Variants in IGSF10 observed in about 807,000 individuals in gnomAD.
The protein encoded by IGSF10 is immunoglobulin superfamily member 10.
A neutral mutation model predicts 128.2 loss-of-function variants in IGSF10; 126 were observed. The ratio of observed to expected loss-of-function variants is 0.98; its 90% CI spans 0.85 to 1.14. The LOEUF (loss-of-function observed/expected upper bound fraction) is 1.14. Ranked by LOEUF, IGSF10 falls within the 50% of genes most tolerant of loss-of-function variation. The probability of loss-of-function intolerance (pLI) is 0.00; values close to 1 mark genes in which losing one functional copy is unlikely to be tolerated. For missense variants in IGSF10, 3,295 were observed against 3,149.8 expected (o/e 1.05, Z -1.10); for synonymous variants, 1,185 against 1,146.2 (o/e 1.03, Z -0.68).
the IGSF10 span, among the ~76,000 whole-genome samples, chr3:151,527,676 G>A: frequency 1.3e-5 from 2 of 152,310 alleles, no homozygotes; most frequent in South Asian, 2.1e-4. Context: ...TGGGCCAGGT[G>A]TAGTGGCTCA....
the IGSF10 span, among the ~76,000 whole-genome samples, chr3:151,547,481 G>A: frequency 6.7e-6 from 1 of 150,244 alleles, no homozygotes; most frequent in South Asian, 2.1e-4. Flanking sequence ...CTAAACTGTT[G>A]CCAATTGTCT....
chr3:151,563,454 GTTTTCCATGAGCTTCAC>G, the IGSF10 span, among the ~76,000 whole-genome samples: 2 of 152,128 alleles, frequency 1.3e-5, no homozygotes, highest in Non-Finnish European at 2.9e-5. Context: ...AGAGAGTTCA[GTTTTCCATGAGCTTCAC>G]TGCCAAGTAA....
At chr3:151,527,893 C>G in the IGSF10 span, among the ~76,000 whole-genome samples, 1 of 151,916 alleles carries the variant, frequency 6.6e-6, no homozygotes, top group African/African-American at 2.4e-5. Flanking sequence ...GTCAAGGCTA[C>G]AGTGAGCTGT....
At chr3:151,527,165 TTTTGCCTTTAAA>T in the IGSF10 span, among the ~76,000 whole-genome samples, 21 of 152,214 alleles carry the variant, frequency 1.4e-4, no homozygotes, top group Non-Finnish European at 4.4e-5. Flanking sequence ...GTTAAAATTA[TTTTGCCTTTAAA>T]TGACAGAAAA....
the IGSF10 span, among the ~76,000 whole-genome samples, chr3:151,579,635 TG>T: frequency 6.7e-6 from 1 of 149,302 alleles, no homozygotes; most frequent in African/African-American, 2.4e-5. Context: ...TCAAAAACTG[TG>T]GGGCAATGTC....
chr3:151,582,040 T>TG, the IGSF10 span, among the ~76,000 whole-genome samples: 1 of 152,110 alleles, frequency 6.6e-6, no homozygotes, highest in African/African-American at 2.4e-5. Flanking sequence ...CACTCCAGCC[T>TG]GGGTGACAGA....
the IGSF10 span, among the ~76,000 whole-genome samples, chr3:151,502,408 G>A: frequency 3.3e-5 from 5 of 151,910 alleles, no homozygotes; most frequent in Admixed American, 1.3e-4. Context: ...ATGGAGTGAC[G>A]CTTGTATTTT....
the IGSF10 span, among the ~76,000 whole-genome samples, chr3:151,591,930 G>T: frequency 6.6e-6 from 1 of 151,990 alleles, no homozygotes. Flanking sequence ...ATTACACTGG[G>T]AATGATGTTT....
At chr3:151,575,389 G>C in the IGSF10 span, among the ~76,000 whole-genome samples, 1 of 152,078 alleles carries the variant, frequency 6.6e-6, no homozygotes, top group Admixed American at 6.6e-5. Flanking sequence ...TCTAGTTCGA[G>C]CTTCCCGGTC....
At chr3:151,485,195 G>A in the IGSF10 span, among the ~76,000 whole-genome samples, 1 of 152,022 alleles carries the variant, frequency 6.6e-6, no homozygotes, top group African/African-American at 2.4e-5. Flanking sequence ...TGGAAGAAAG[G>A]ATATCAGAGA....
At chr3:151,546,782 T>C in the IGSF10 span, among the ~76,000 whole-genome samples, 2 of 152,326 alleles carry the variant, frequency 1.3e-5, no homozygotes, top group African/African-American at 4.8e-5. Flanking sequence ...ATATTTCTTT[T>C]TTTTGAGACG....
the IGSF10 span, among the ~76,000 whole-genome samples, chr3:151,508,213 AG>A: frequency 2.0e-5 from 3 of 152,118 alleles, no homozygotes; most frequent in African/African-American, 7.2e-5. Context: ...GTTACTTAAA[AG>A]TTTCAAATTG....
Position 151,438,126 on chromosome 3 carries a change from C to G in IGSF10, c.6435G>C (p.Gln2145His), listed in dbSNP as rs112617327. Reference sequence around the variant, plus strand: ...TGATTCTCTTGTTGGTTTTGTTACTCTGCCTTATCCGGGGAGCAGCTGTTA... The same window carrying G: ...TGATTCTCTTGTTGGTTTTGTTACTGTGCCTTATCCGGGGAGCAGCTGTTA... ...TVITAAPRIRQSNKTNKRIKA... is the reference protein window; with the variant it reads ...TVITAAPRIRHSNKTNKRIKA... The change falls in exon 8 of 8, where the codon CAG becomes CAC. Residue 2145 changes from glutamine (Q) to histidine (H), a missense_variant. Physicochemically the swap from Gln to His is conservative, Grantham distance 24. Transcript: ENST00000282466. The G allele has an allele frequency of 6.2e-7, 1 of 1,614,196 alleles. No homozygotes were observed. The highest frequency in any genetic ancestry group is 8.5e-7 in the Non-Finnish European group (1 of 1,180,032).
chr3:151,554,999 C>A, the IGSF10 span, among the ~76,000 whole-genome samples: 1 of 152,038 alleles, frequency 6.6e-6, no homozygotes, highest in Non-Finnish European at 1.5e-5. Flanking sequence ...TATCCTGAAG[C>A]AGAATTCTGG....
At chr3:151,534,632 C>T in the IGSF10 span, among the ~76,000 whole-genome samples, 1 of 121,338 alleles carries the variant, frequency 8.2e-6, no homozygotes, top group Non-Finnish European at 1.7e-5. Context: ...GGAGGGGGGT[C>T]ATCACACACT....
Position 151,443,241 on chromosome 3 carries a change from C to G in IGSF10, c.5706G>C (p.Leu1902Phe). Residue 1902 changes from leucine (L) to phenylalanine (F), a missense_variant, in exon 7 of 8, where the codon TTG (leucine) becomes TTC (phenylalanine). Physicochemically the swap from Leu to Phe is conservative, Grantham distance 22. Transcript: ENST00000282466. ...SKLFLFSNGTLYIRNLASSDR... is the reference protein window; with the variant it reads ...SKLFLFSNGTFYIRNLASSDR... ...CTGAAGAGGCTAGGTTTCTTATATA[C>G]AAAGTCCCATTTGAAAATAAGAACA... The G allele has an allele frequency of 6.2e-7, 1 of 1,612,124 alleles. No individual in the cohort carries two copies. The highest frequency in any genetic ancestry group is 8.5e-7 in the Non-Finnish European group (1 of 1,178,948).
At chr3:151,514,666 C>T in the IGSF10 span, among the ~76,000 whole-genome samples, 2 of 152,136 alleles carry the variant, frequency 1.3e-5, no homozygotes, top group Admixed American at 1.3e-4. Flanking sequence ...AAACCACCGT[C>T]AGAGTGAACA....
chr3:151,454,599 G>A (rs1183455105), intron 4 of IGSF10, among the ~76,000 whole-genome samples: 1 of 147,340 alleles, frequency 6.8e-6, no homozygotes, highest in Non-Finnish European at 1.5e-5. Context: ...TTTTTTTTAA[G>A]TCTTAGTATT....
At chr3:151,481,744 C>T in the IGSF10 span, among the ~76,000 whole-genome samples, 1 of 152,260 alleles carries the variant, frequency 6.6e-6, no homozygotes. Context: ...ACTGTGGCTA[C>T]CTATGACCCA....
Sources: allele counts gnomAD v4.1 joint callset (sites outside exome capture counted in the v4.1 genomes callset), GRCh38; gene constraint gnomAD v4.1.1; transcripts MANE v1.5; gene names NCBI Gene and HGNC (gene_info 2026-07-23, HGNC 2026-07-21).